GTF2H5: variants seen among roughly 807,000 people sequenced by gnomAD.
GTF2H5 encodes the protein TFB5 ortholog.
In GTF2H5, 5 loss-of-function variants were observed where a neutral mutation model predicts 7.1. The observed-to-expected ratio is 0.71, with a 90% CI of 0.37 to 1.49. The LOEUF (loss-of-function observed/expected upper bound fraction) is 1.49. Ranked by LOEUF, GTF2H5 falls within the 40% of genes most tolerant of loss-of-function variation. GTF2H5 has a pLI of 0.03. For synonymous variants in GTF2H5, 30 were observed against 31.7 expected, an observed-to-expected ratio of 0.95 and a Z score of 0.18; for missense variants, 80 against 83.0, an observed-to-expected ratio of 0.96 and a Z score of 0.14.
intron 2 of GTF2H5, among the ~76,000 whole-genome samples, chr6:158,173,800 G>A (rs1445324257): frequency 6.6e-6 from 1 of 152,108 alleles, no homozygotes; most frequent in Non-Finnish European, 1.5e-5. Context: ...AGTGGAGTGG[G>A]GAGGGTGGGA....
chr6:158,170,818 G>T (rs1455854632), intron 2 of GTF2H5, among the ~76,000 whole-genome samples: 1 of 152,164 alleles, frequency 6.6e-6, no homozygotes, highest in Non-Finnish European at 1.5e-5. Context: ...GAATTTTAGG[G>T]CCTGAAAGAG....
At chr6:158,190,893 A>G (rs768183937) in intron 2 of GTF2H5, 8 of 512,460 alleles carry the variant, frequency 1.6e-5, no homozygotes, top group Middle Eastern at 3.2e-4. Context: ...TCATGATTCA[A>G]GGTTTTTATG....
Position 158,170,497 on chromosome 6 carries a change from A to G in GTF2H5, c.-7A>G. The G allele has an allele frequency of 6.2e-7, 1 of 1,607,512 alleles. No homozygotes were observed. Among genetic ancestry groups the G allele is most frequent in the Non-Finnish European group, 8.5e-7 (1 of 1,173,924 alleles). ...TTCTTCAGGTCATCTGAACCTTCTG[A>G]GAAAACATGGTCAACGTCTTGAAAG... On this transcript the variant is annotated 5_prime_UTR_variant, in exon 2 of 3. Transcript: ENST00000607778.
chr6:158,169,700 A>T lies in GTF2H5; in HGVS notation c.-34-770A>T, dbSNP rs1180967516. On this transcript the variant is annotated intron_variant, in intron 1 of 2. Coordinates refer to ENST00000607778, the MANE Select transcript of GTF2H5 (RefSeq NM_207118.3). ...TATAATATATAATATATATTATATA[A>T]TATATTGTATATTATATATTATATA... Among the ~76,000 whole-genome samples the T allele has an allele frequency of 1.4e-3, 116 of 81,898 alleles. 3 individuals carry two copies. The highest frequency in any genetic ancestry group is 6.7e-3 in the African/African-American group (111 of 16,616). The allele number at this position is 81,898 out of a possible 152,430, so 53.7% of individuals were successfully genotyped here. A position where few individuals can be genotyped will look rare whatever the true frequency, so the allele number is the denominator to read the frequency against.
In GTF2H5 at chr6:158,188,700, G is replaced by C. The variant is rs1468020839; in HGVS notation, c.36-3277G>C. On this transcript the variant is annotated intron_variant, in intron 2 of 2. Coordinates refer to ENST00000607778, the MANE Select transcript of GTF2H5 (RefSeq NM_207118.3). ...AAAATGTGAAGTTTAACATTTTTTT[G>C]TATCTGCTTAAATCAGTGACCATTA... Among the ~76,000 whole-genome samples, 3 of 151,920 alleles carry C rather than the reference G, an allele frequency of 2.0e-5. No individual in the cohort carries two copies. The East Asian group carries it at 5.8e-4, about 29-fold the overall frequency.
chr6:158,188,032 G>C (rs111930401), intron 2 of GTF2H5, among the ~76,000 whole-genome samples: 10 of 152,196 alleles, frequency 6.6e-5, no homozygotes, highest in Admixed American at 6.5e-4. Flanking sequence ...GTTGGCAGAT[G>C]GGGGGTGGGG....
In GTF2H5 at chr6:158,185,471, G is replaced by T. The variant is rs571927093; in HGVS notation, c.36-6506G>T. Among the ~76,000 whole-genome samples the T allele has an allele frequency of 1.4e-4, 21 of 150,148 alleles. No individual in the cohort carries two copies. The East Asian group carries it at 3.9e-3, about 28-fold the overall frequency. On this transcript the variant is annotated intron_variant, in intron 2 of 2. Coordinates refer to ENST00000607778, the MANE Select transcript of GTF2H5 (RefSeq NM_207118.3). ...GGGAGGATTACCTCATCCCTAGGAG[G>T]TTGAGGCTGCAGTGAATTGGGATTG...
chr6:158,171,319 C>T (rs770451761), intron 2 of GTF2H5, among the ~76,000 whole-genome samples: 4 of 152,190 alleles, frequency 2.6e-5, no homozygotes, highest in Admixed American at 6.5e-5. Context: ...CATACTAAGT[C>T]TTCAAAAAAA....
rs1777094806 is a variant in GTF2H5 at position 158,195,533 on chromosome 6, A to G, written c.*3376A>G. On this transcript the variant is annotated 3_prime_UTR_variant, in exon 3 of 3. Coordinates refer to ENST00000607778, the MANE Select transcript of GTF2H5 (RefSeq NM_207118.3). ...GGTGAACAGTAACAGCATTACTGAT[A>G]ATAGGCAACAAACACTACTGCATTT... The G allele has an allele frequency of 6.6e-6, 1 of 152,258 alleles. No individual in the cohort carries two copies. Among genetic ancestry groups the G allele is most frequent in the African/African-American group, 2.4e-5 (1 of 41,474 alleles). 9.4% of individuals were successfully genotyped at this position (152,258 alleles called of 1,614,324 possible).
intron 2 of GTF2H5, among the ~76,000 whole-genome samples, chr6:158,175,957 C>G (rs1036733646): frequency 2.0e-5 from 3 of 152,158 alleles, no homozygotes; most frequent in Admixed American, 6.5e-5. Flanking sequence ...CACCTGGATT[C>G]CTGTACTAAC....
intron 2 of GTF2H5, among the ~76,000 whole-genome samples, chr6:158,174,726 G>A (rs1785905240): frequency 6.6e-6 from 1 of 152,196 alleles, no homozygotes; most frequent in Non-Finnish European, 1.5e-5. Context: ...AATTGGTTTG[G>A]CAAGTGCTTC....
At chr6:158,191,216 G>T (rs1336343742) in intron 2 of GTF2H5, among the ~76,000 whole-genome samples, 2 of 152,142 alleles carry the variant, frequency 1.3e-5, no homozygotes, top group Non-Finnish European at 2.9e-5. Context: ...TATGACTCTT[G>T]ATATACACCC....
chr6:158,169,741 T>TATATTATATAATATATTGTATATTAC (rs1583626024), intron 1 of GTF2H5, among the ~76,000 whole-genome samples: 1 of 60,786 alleles, frequency 1.6e-5, no homozygotes, highest in East Asian at 5.6e-4. Context: ...TTGTATATTA[T>TATATTATATAATATATTGTATATTAC]ATATTATATA....
At chr6:158,170,685 A>AG (rs1203466606) in intron 2 of GTF2H5, 147 bp downstream of exon 2, 3 of 685,436 alleles carry the variant, frequency 4.4e-6, no homozygotes, top group Non-Finnish European at 7.9e-6. Context: ...TTTGTTGCAA[A>AG]GCTCCTGGTG....
rs1478610599 is a variant in GTF2H5, at chr6:158,193,292, AGT to A, written c.*1138_*1139del. ...GTGAGACCCTGTCTCCAAAAAAAAA[AGT>A]GTATATGTATGTGTGTATATATAGC... On this transcript the variant is annotated 3_prime_UTR_variant, in exon 3 of 3. Transcript: ENST00000607778. The A allele has an allele frequency of 6.6e-6, 1 of 152,128 alleles. No homozygotes were observed. The highest frequency in any genetic ancestry group is 1.5e-5 in the Non-Finnish European group (1 of 68,052). 9.4% of individuals were successfully genotyped at this position (152,128 alleles called of 1,614,324 possible). A position where few individuals can be genotyped will look rare whatever the true frequency, so the allele number is the denominator to read the frequency against.
At chr6:158,171,368 A>G (rs1286250511) in intron 2 of GTF2H5, among the ~76,000 whole-genome samples, 1 of 152,248 alleles carries the variant, frequency 6.6e-6, no homozygotes, top group Non-Finnish European at 1.5e-5. Context: ...TTAATTTTAC[A>G]GCACATCTCA....
intron 2 of GTF2H5, among the ~76,000 whole-genome samples, chr6:158,184,245 A>G (rs917160311): frequency 9.9e-5 from 15 of 151,170 alleles, no homozygotes; most frequent in Admixed American, 4.0e-4. Flanking sequence ...AAGAAAAGGA[A>G]AAAAAAAAGG....
At chr6:158,169,644 T>TATTATATAA (rs1785776327) in intron 1 of GTF2H5, among the ~76,000 whole-genome samples, 12 of 41,258 alleles carry the variant, frequency 2.9e-4, no homozygotes, top group African/African-American at 1.7e-3. Context: ...ATTACATATA[T>TATTATATAA]TGTATATTAC....
At position 158,170,256 on chromosome 6, in the gene GTF2H5, C is replaced by G. The variant is rs78146749; in HGVS notation, c.-34-214C>G. Among the ~76,000 whole-genome samples, 18,862 of 152,040 alleles carry G rather than the reference C, an allele frequency of 0.12. 1,303 individuals carry two copies. The highest frequency in any genetic ancestry group is 0.16 in the Middle Eastern group (47 of 292). On this transcript the variant is annotated intron_variant, in intron 1 of 2. Transcript: ENST00000607778. ...GCTAATTGACCTTGGGTAGAATTGGCTGGCGAGTAAGATGTGGCATTAATA... is the reference window on the plus strand; with the variant it reads ...GCTAATTGACCTTGGGTAGAATTGGGTGGCGAGTAAGATGTGGCATTAATA...
Sources: gnomAD v4.1 joint callset for allele counts (sites outside exome capture counted in the v4.1 genomes callset) on GRCh38, gnomAD v4.1.1 for gene constraint, MANE v1.5 for transcripts, NCBI Gene and HGNC (gene_info 2026-07-23, HGNC 2026-07-21) for gene names.